The following SUGCT variants were observed in gnomAD, a reference collection of about 807,000 sequenced individuals.
SUGCT encodes succinyl-CoA:glutarate CoA-transferase.
In SUGCT, 41 loss-of-function variants were observed where a neutral mutation model predicts 55.0. The ratio of observed to expected loss-of-function variants is 0.74; its 90% CI spans 0.58 to 0.97. The LOEUF (loss-of-function observed/expected upper bound fraction) is 0.97, where lower values mean the gene tolerates loss of function less well. Ranked by LOEUF, SUGCT falls within the 50% of genes least tolerant of loss-of-function variation. The pLI is 0.00. For synonymous variants in SUGCT, 187 were observed against 200.4 expected (o/e 0.93, Z 0.56); for missense variants, 568 against 547.8 (o/e 1.04, Z -0.37).
chr7:40,332,048 T>C (rs1313198089), intron 9 of SUGCT, among the ~76,000 whole-genome samples: 1 of 152,210 alleles, frequency 6.6e-6, no homozygotes, highest in Non-Finnish European at 1.5e-5. Flanking sequence ...AATTCCAGAT[T>C]GTCTGTTCTT....
the SUGCT span, among the ~76,000 whole-genome samples, chr7:41,029,857 A>G: frequency 2.0e-5 from 3 of 152,186 alleles, no homozygotes. Flanking sequence ...TCATTGCAGT[A>G]TCATAAGTAA....
At chr7:40,653,594 TTCCC>T (rs755466963) in intron 12 of SUGCT, among the ~76,000 whole-genome samples, 28 of 152,246 alleles carry the variant, frequency 1.8e-4, no homozygotes, top group Admixed American at 9.2e-4. Flanking sequence ...CCATCTCCTT[TTCCC>T]TCCCTTTCAG....
intron 12 of SUGCT, among the ~76,000 whole-genome samples, chr7:40,666,444 T>TG (rs1270011483): frequency 6.8e-6 from 1 of 146,768 alleles, no homozygotes; most frequent in East Asian, 2.0e-4. Context: ...TTTTTTTTTT[T>TG]GGTGGGTGGA....
chr7:40,646,343 A>T (rs193144966), intron 12 of SUGCT, among the ~76,000 whole-genome samples: 175 of 152,310 alleles, frequency 1.1e-3, no homozygotes, highest in Non-Finnish European at 2.2e-3. Flanking sequence ...GTTTTTCAGA[A>T]AGCAGCCACT....
At chr7:40,755,601 A>G (rs17439106) in intron 13 of SUGCT, among the ~76,000 whole-genome samples, 13,500 of 152,270 alleles carry the variant, frequency 0.089, 703 homozygotes, top group Middle Eastern at 0.16. Context: ...CTGTCCTTGC[A>G]TGTACTGTGG....
intron 13 of SUGCT, among the ~76,000 whole-genome samples, chr7:40,761,848 TCC>T (rs1788547218): frequency 6.6e-6 from 1 of 152,148 alleles, no homozygotes; most frequent in Non-Finnish European, 1.5e-5. Flanking sequence ...AAACTGACCG[TCC>T]TCCGAGGGTC....
chr7:40,329,983 C>G (rs1796224704), intron 9 of SUGCT, among the ~76,000 whole-genome samples: 1 of 152,196 alleles, frequency 6.6e-6, no homozygotes. Flanking sequence ...ACTGTCTTCC[C>G]TGTTGCATGG....
intron 12 of SUGCT, among the ~76,000 whole-genome samples, chr7:40,574,977 A>G (rs561929280): frequency 3.3e-5 from 5 of 152,064 alleles, no homozygotes; most frequent in African/African-American, 1.2e-4. Context: ...TGAGATTCAA[A>G]CTCAACCATT....
intron 6 of SUGCT, among the ~76,000 whole-genome samples, chr7:40,201,082 A>G (rs1002035861): frequency 2.0e-5 from 3 of 152,208 alleles, no homozygotes; most frequent in Admixed American, 1.3e-4. Context: ...AAAAGATAGA[A>G]TAATTAGAAT....
chr7:40,535,494 C>T (rs1794311439), intron 12 of SUGCT, among the ~76,000 whole-genome samples: 1 of 152,116 alleles, frequency 6.6e-6, no homozygotes, highest in African/African-American at 2.4e-5. Flanking sequence ...TGGGAGATTC[C>T]TGAAAGAACA....
intron 1 of SUGCT, among the ~76,000 whole-genome samples, chr7:40,170,190 G>A (rs1784604878): frequency 6.6e-6 from 1 of 152,154 alleles, no homozygotes; most frequent in Non-Finnish European, 1.5e-5. Context: ...TCTTTCCTCT[G>A]TTGTCATCCT....
At chr7:40,222,931 A>G (rs1788098376) in intron 6 of SUGCT, among the ~76,000 whole-genome samples, 1 of 151,462 alleles carries the variant, frequency 6.6e-6, no homozygotes, top group Non-Finnish European at 1.5e-5. Flanking sequence ...CCTGGCCAGC[A>G]CTTTCTTAAT....
At chr7:40,670,310 A>C (rs1801875367) in intron 12 of SUGCT, among the ~76,000 whole-genome samples, 1 of 152,058 alleles carries the variant, frequency 6.6e-6, no homozygotes, top group Non-Finnish European at 1.5e-5. Context: ...TAAAGGTAAA[A>C]GCAGAAATCA....
At chr7:40,876,350 G>A in the SUGCT span, among the ~76,000 whole-genome samples, 1 of 152,066 alleles carries the variant, frequency 6.6e-6, no homozygotes, top group Non-Finnish European at 1.5e-5. Context: ...GCTTTCATGT[G>A]CACATAGGAA....
chr7:40,302,168 C>T (rs1050338529), intron 8 of SUGCT, among the ~76,000 whole-genome samples: 2 of 152,180 alleles, frequency 1.3e-5, no homozygotes, highest in Non-Finnish European at 2.9e-5. Flanking sequence ...TGTACACTCC[C>T]ATCCTGCTAC....
At chr7:40,898,480 C>CCGG in the SUGCT span, among the ~76,000 whole-genome samples, 3 of 5,722 alleles carry the variant, frequency 5.2e-4, no homozygotes, top group African/African-American at 1.2e-3. Context: ...TCCGGGAGGT[C>CCGG]GGGGGGGGGG....
the SUGCT span, among the ~76,000 whole-genome samples, chr7:41,037,662 C>A: frequency 0.17 from 26,022 of 151,218 alleles, 2,411 homozygotes; most frequent in Admixed American, 0.22. Flanking sequence ...GTGTCCTTGG[C>A]AAATGTCTAG....
At chr7:40,425,168 A>G (rs1179971963) in intron 9 of SUGCT, among the ~76,000 whole-genome samples, 1 of 152,152 alleles carries the variant, frequency 6.6e-6, no homozygotes, top group African/African-American at 2.4e-5. Context: ...GTGGAGCCAC[A>G]GTTTAAATAT....
intron 13 of SUGCT, among the ~76,000 whole-genome samples, chr7:40,831,709 A>G (rs1043171503): frequency 1.3e-5 from 2 of 152,168 alleles, no homozygotes; most frequent in African/African-American, 4.8e-5. Context: ...TCCGACTGTG[A>G]ACACTAAGAA....
Sources: allele counts gnomAD v4.1 joint callset (sites outside exome capture counted in the v4.1 genomes callset), GRCh38; gene constraint gnomAD v4.1.1; transcripts MANE v1.5; gene names NCBI Gene and HGNC (gene_info 2026-07-23, HGNC 2026-07-21).